Variants in COL24A1 observed in about 807,000 individuals in gnomAD.
The protein encoded by COL24A1 is collagen alpha-1(XXIV) chain.
A neutral mutation model predicts 253.9 loss-of-function variants in COL24A1; 224 were observed. The ratio of observed to expected loss-of-function variants is 0.88; its 90% confidence interval spans 0.79 to 0.99. The LOEUF is 0.99. Ranked by LOEUF, COL24A1 falls within the 50% of genes least tolerant of loss-of-function variation. The probability of loss-of-function intolerance (pLI) is 0.00; values close to 1 mark genes in which losing one functional copy is unlikely to be tolerated. For synonymous variants in COL24A1, 685 were observed against 673.7 expected (o/e 1.02, Z -0.26); for missense variants, 2,131 against 2,068.5 (o/e 1.03, Z -0.59).
rs1663883287 is a variant in COL24A1 at position 85,734,883 on chromosome 1, A to C, written c.4864T>G (p.Cys1622Gly). ...CTTGTCCACCTTGGGGTGTTTAGAC[A>C]GTGAATGGTGATGATATGGGTGGCT... ...SEATHIITIHCLNTPRWTSTQ... is the reference protein window; with the variant it reads ...SEATHIITIHGLNTPRWTSTQ... The change falls in exon 59 of 60, where the codon TGT becomes GGT. Residue 1622 changes from cysteine (C) to glycine (G), a missense_variant. Cys to Gly is a radical substitution (Grantham distance 159). Coordinates refer to ENST00000370571, the MANE Select transcript of COL24A1 (RefSeq NM_152890.7). 18 of 1,614,224 alleles carry C rather than the reference A, an allele frequency of 1.1e-5. No individual in the cohort carries two copies. Among genetic ancestry groups the C allele is most frequent in the Non-Finnish European group, 1.5e-5 (18 of 1,180,034 alleles).
At chr1:85,784,081 C>T (rs370372677) in intron 50 of COL24A1, 32 bp downstream of exon 50, 20 of 1,548,394 alleles carry the variant, frequency 1.3e-5, no homozygotes, top group Non-Finnish European at 1.8e-5. Context: ...TTCTAGATAG[C>T]TAGAAGACTA....
At chr1:86,023,179 A>G (rs1422592107) in intron 14 of COL24A1, among the ~76,000 whole-genome samples, 172 bp from the exon 15 acceptor site, 1 of 152,168 alleles carries the variant, frequency 6.6e-6, no homozygotes, top group Non-Finnish European at 1.5e-5. Flanking sequence ...TCATACCAAT[A>G]TTTCAAACCT....
intron 7 of COL24A1, among the ~76,000 whole-genome samples, chr1:86,065,385 T>C (rs1182977859): frequency 6.6e-6 from 1 of 152,170 alleles, no homozygotes; most frequent in Admixed American, 6.6e-5. Context: ...TTTCCCCAAA[T>C]CACTCCATAA....
chr1:86,058,098 A>T (rs1207923645), intron 9 of COL24A1, 123 bp from the exon 10 acceptor site: 1 of 638,112 alleles, frequency 1.6e-6, no homozygotes. Context: ...AGAACTCTGT[A>T]TAACTAATGA....
rs148912389 is a variant in COL24A1 at position 85,920,828 on chromosome 1, C to T, written c.2563-9395G>A. 1.1e-3 allele frequency among the ~76,000 whole-genome samples: 166 copies of T among 150,852 alleles called. 1 individual carries two copies. The highest frequency in any genetic ancestry group is 3.8e-3 in the African/African-American group (155 of 41,024). ...AATACTGATTTGTGTCTCCATAGAACAATCAATTGTTGAAATAATAAGAAT... is the reference window on the plus strand; with the variant it reads ...AATACTGATTTGTGTCTCCATAGAATAATCAATTGTTGAAATAATAAGAAT... On this transcript the variant is annotated intron_variant, in intron 24 of 59. Coordinates refer to ENST00000370571, the MANE Select transcript of COL24A1 (RefSeq NM_152890.7).
chr1:85,789,894 G>T (rs1368330432), intron 47 of COL24A1, among the ~76,000 whole-genome samples: 2 of 152,046 alleles, frequency 1.3e-5, no homozygotes, highest in African/African-American at 4.8e-5. Context: ...CATCCCGGGG[G>T]TGAAGCCAAC....
intron 14 of COL24A1, among the ~76,000 whole-genome samples, chr1:86,023,856 T>C (rs1697777161): frequency 6.6e-6 from 1 of 152,118 alleles, no homozygotes; most frequent in South Asian, 2.1e-4. Context: ...AGGTCTCCTT[T>C]TTCTTCTTTT....
rs12066766 is a variant in COL24A1 at position 85,846,209 on chromosome 1, C to A, written c.3462+1456G>T. On this transcript the variant is annotated intron_variant, in intron 39 of 59. Coordinates refer to ENST00000370571, the MANE Select transcript of COL24A1 (RefSeq NM_152890.7). The stretch of plus-strand genomic sequence containing the variant: ...GAAAAAATAAACTTAGTCTTCTACA[C>A]CTTATATAAAAAAATACCCACAAAA... 6.4e-3 allele frequency among the ~76,000 whole-genome samples: 973 copies of A among 151,702 alleles called. 10 individuals are homozygous for A. The highest frequency in any genetic ancestry group is 0.023 in the African/African-American group (934 of 41,474).
chr1:85,877,651 C>T (rs1002711098), intron 32 of COL24A1, among the ~76,000 whole-genome samples: 5 of 152,202 alleles, frequency 3.3e-5, no homozygotes, highest in African/African-American at 1.2e-4. Context: ...GCATGAGCCA[C>T]TGCGCCCAGC....
intron 55 of COL24A1, among the ~76,000 whole-genome samples, chr1:85,748,810 T>C (rs1258120754): frequency 1.2e-5 from 1 of 82,622 alleles, no homozygotes; most frequent in African/African-American, 4.3e-5. Flanking sequence ...CACCCGAATA[T>C]TGCGCTTTTC....
chr1:85,885,192 A>G (rs1338427635), intron 32 of COL24A1, among the ~76,000 whole-genome samples: 1 of 111,276 alleles, frequency 9.0e-6, no homozygotes, highest in Non-Finnish European at 2.2e-5. Flanking sequence ...TCATACCAGA[A>G]AACACATTTA....
intron 2 of COL24A1, among the ~76,000 whole-genome samples, chr1:86,128,106 G>T (rs1648594708): frequency 6.6e-6 from 1 of 152,064 alleles, no homozygotes; most frequent in South Asian, 2.1e-4. Context: ...ATATTTCAAA[G>T]AGGCCCCACA....
intron 12 of COL24A1, among the ~76,000 whole-genome samples, chr1:86,036,171 G>A (rs1448817863): frequency 6.6e-6 from 1 of 151,410 alleles, no homozygotes; most frequent in Non-Finnish European, 1.5e-5. Flanking sequence ...TATCGTTGTC[G>A]AGATGGGGTC....
At chr1:86,155,397 G>A (rs1304233137) in intron 1 of COL24A1, 3 of 152,948 alleles carry the variant, frequency 2.0e-5, no homozygotes, top group African/African-American at 7.2e-5. Flanking sequence ...AGCCTCCTGA[G>A]GGGCAGCCTC....
Position 86,124,927 on chromosome 1 carries a change from T to C in COL24A1, c.1409A>G (p.Tyr470Cys), listed in dbSNP as rs868408794. 1.2e-6 allele frequency: 2 copies of C among 1,612,190 alleles called. No individual in the cohort carries two copies. The highest frequency in any genetic ancestry group is 8.5e-7 in the Non-Finnish European group (1 of 1,179,312). ...TAGATCCTCATAATAATAATAATCA[T>C]AAAGCTCAGTTTCATAGCTATTTTC... ...PIENSYETELYDYYYYEDLNT... is the reference protein window; with the variant it reads ...PIENSYETELCDYYYYEDLNT... Residue 470 changes from tyrosine (Y) to cysteine (C), a missense_variant, in exon 3 of 60, where the codon TAT (tyrosine) becomes TGT (cysteine). Coordinates refer to ENST00000370571, the MANE Select transcript of COL24A1 (RefSeq NM_152890.7).
chr1:86,073,822 G>A (rs576904135), intron 7 of COL24A1, among the ~76,000 whole-genome samples: 2 of 152,234 alleles, frequency 1.3e-5, no homozygotes, highest in African/African-American at 4.8e-5. Flanking sequence ...TATTCAGCAT[G>A]CTTAAAGAAA....
chr1:85,734,616 G>A (rs573573352), intron 59 of COL24A1, 133 bp downstream of exon 59: 1 of 720,808 alleles, frequency 1.4e-6, no homozygotes, highest in Non-Finnish European at 2.3e-6. Flanking sequence ...TTACAAGTCA[G>A]GCACATTAAA....
intron 24 of COL24A1, among the ~76,000 whole-genome samples, chr1:85,921,804 G>T (rs534803216): frequency 6.6e-6 from 1 of 152,292 alleles, no homozygotes; most frequent in East Asian, 1.9e-4. Flanking sequence ...ACAAAGCTGG[G>T]CAGAGAATGA....
chr1:85,732,361 C>T (rs1570372136), intron 59 of COL24A1, among the ~76,000 whole-genome samples: 1 of 152,204 alleles, frequency 6.6e-6, no homozygotes, highest in African/African-American at 2.4e-5. Flanking sequence ...TCCTGAGTAG[C>T]TGGGACTACA....
Sources: allele counts gnomAD v4.1 joint callset (sites outside exome capture counted in the v4.1 genomes callset), GRCh38; gene constraint gnomAD v4.1.1; transcripts MANE v1.5; gene names NCBI Gene and HGNC (gene_info 2026-07-23, HGNC 2026-07-21).